Variants in ECE1 observed in about 807,000 individuals in gnomAD.
ECE1 encodes the protein endothelin converting enzyme 1, also known as endothelin-converting enzyme 1.
In ECE1, 35 loss-of-function variants were observed where a neutral mutation model predicts 98.6. The observed-to-expected ratio is 0.35, with a 90% CI of 0.27 to 0.47. The LOEUF (loss-of-function observed/expected upper bound fraction) is 0.47, where lower values mean the gene tolerates loss of function less well. Ranked by LOEUF, ECE1 falls within the 20% of genes least tolerant of loss-of-function variation. ECE1 has a pLI of 1.00. For synonymous variants in ECE1, 394 were observed against 407.1 expected (o/e 0.97, Z 0.39); for missense variants, 814 against 1,025.3 (o/e 0.79, Z 2.81).
intron 1 of ECE1, among the ~76,000 whole-genome samples, chr1:21,321,420 C>A (rs1334370569): frequency 6.6e-6 from 1 of 152,206 alleles, no homozygotes; most frequent in Non-Finnish European, 1.5e-5. Context: ...CCCCAGCAGC[C>A]ATGTCCTGGA....
In ECE1 at chr1:21,252,176, C is replaced by T. The variant is rs529378324; in HGVS notation, c.1020+3771G>A. ...TGAGAAATCCCTGTGTACTCTTCAACACAACCCTGGCCCTTTAGGGAAAGC... is the reference window on the plus strand; with the variant it reads ...TGAGAAATCCCTGTGTACTCTTCAATACAACCCTGGCCCTTTAGGGAAAGC... On this transcript the variant is annotated intron_variant, in intron 8 of 18. Coordinates refer to ENST00000374893, the MANE Select transcript of ECE1 (RefSeq NM_001397.3). Among the ~76,000 whole-genome samples, 59 of 152,354 alleles carry T rather than the reference C, an allele frequency of 3.9e-4. 1 individual carries two copies. Among genetic ancestry groups the T allele is most frequent in the African/African-American group, 1.3e-3 (54 of 41,590 alleles).
intron 11 of ECE1, 75 bp from the exon 12 acceptor site, chr1:21,236,919 A>T: frequency 7.6e-7 from 1 of 1,318,322 alleles, no homozygotes; most frequent in Non-Finnish European, 1.1e-6. Flanking sequence ...CCCGTGCAGA[A>T]CAATGATGGC....
chr1:21,219,709 C>A lies in ECE1; in HGVS notation c.*246G>T. The A allele has an allele frequency of 1.8e-6, 1 of 562,008 alleles. No homozygotes were observed. The highest frequency in any genetic ancestry group is 3.2e-6 in the Non-Finnish European group (1 of 311,236). The allele number at this position is 562,008 out of a possible 1,614,324, so 34.8% of individuals were successfully genotyped here. A position where few individuals can be genotyped will look rare whatever the true frequency, so the allele number is the denominator to read the frequency against. ...GCCCAGGCCTGATGAGCCACCAGCCCAGCACCCGAATGCCTGCTGAAGGTG... is the reference window on the plus strand; with the variant it reads ...GCCCAGGCCTGATGAGCCACCAGCCAAGCACCCGAATGCCTGCTGAAGGTG... On this transcript the variant is annotated 3_prime_UTR_variant, in exon 19 of 19. Coordinates refer to ENST00000374893, the MANE Select transcript of ECE1 (RefSeq NM_001397.3). The surrounding 1 kb of genome is among the most constrained non-coding windows in gnomAD (Gnocchi z 4.5).
chr1:21,254,770 G>T (rs1287490786), intron 8 of ECE1, among the ~76,000 whole-genome samples: 2 of 152,184 alleles, frequency 1.3e-5, no homozygotes, highest in Non-Finnish European at 2.9e-5. Context: ...TCTCCATCCT[G>T]GTCTGAGCAG....
chr1:21,229,770 C>G (rs2098179381), intron 14 of ECE1, among the ~76,000 whole-genome samples: 1 of 152,062 alleles, frequency 6.6e-6, no homozygotes, highest in Admixed American at 6.6e-5. Flanking sequence ...ACTCAGTGAA[C>G]CATTGTTTTC....
chr1:21,302,103 A>T (rs1487636621), intron 1 of ECE1, among the ~76,000 whole-genome samples: 4 of 152,236 alleles, frequency 2.6e-5, no homozygotes, highest in Non-Finnish European at 5.9e-5. Flanking sequence ...CAGGCAGTGC[A>T]TTCTCAGAGT....
chr1:21,322,265 C>T lies in ECE1; in HGVS notation c.3+23111G>A, dbSNP rs1360751880. 6.6e-6 allele frequency among the ~76,000 whole-genome samples: 1 copy of T among 152,092 alleles called. No individual in the cohort carries two copies. The highest frequency in any genetic ancestry group is 2.1e-4 in the South Asian group (1 of 4,830). ...TGGATAAAACCAGGAGACCCCACAC[C>T]CCACCTGAGCCCGGAGTGCAGCTCC... is the stretch of plus-strand genomic sequence containing the variant. On this transcript the variant is annotated intron_variant, in intron 1 of 18. Transcript: ENST00000415912. This position sits in a 1 kb window ranked among gnomAD's most constrained non-coding sequence, Gnocchi z 4.1.
At chr1:21,245,423 A>G (rs939725831) in intron 9 of ECE1, among the ~76,000 whole-genome samples, 4 of 152,042 alleles carry the variant, frequency 2.6e-5, no homozygotes, top group South Asian at 2.1e-4. Flanking sequence ...ACCCACCCCA[A>G]TGGTGTATGC....
rs576470307 is a variant in ECE1 at position 21,220,276 on chromosome 1, C to T, written c.2137-145G>A. ...TTTGGGAGCCAAGGTGGAAGGGCTG[C>T]TTGAGCCCAGGAGTTCATGACCAGC... On this transcript the variant is annotated intron_variant, in intron 18 of 18. Transcript: ENST00000374893. This position sits in a 1 kb window ranked among gnomAD's most constrained non-coding sequence, Gnocchi z 5.0. 5.6e-6 allele frequency: 5 copies of T among 892,358 alleles called. No homozygotes were observed. The highest frequency in any genetic ancestry group is 5.1e-5 in the African/African-American group (3 of 59,078). The allele number at this position is 892,358 out of a possible 1,614,324, so 55.3% of individuals were successfully genotyped here. A position where few individuals can be genotyped will look rare whatever the true frequency, so the allele number is the denominator to read the frequency against.
At chr1:21,331,190 G>T (rs1298002009) in intron 1 of ECE1, among the ~76,000 whole-genome samples, 1 of 152,108 alleles carries the variant, frequency 6.6e-6, no homozygotes, top group Non-Finnish European at 1.5e-5. Flanking sequence ...ATCACTTGAG[G>T]TCAGGAGATC....
rs71014187 is a variant in ECE1 at position 21,342,607 on chromosome 1, TACACACACACACACACACAC to T, written c.3+2749_3+2768del. On this transcript the variant is annotated intron_variant, in intron 1 of 18. Coordinates refer to the ECE1 transcript ENST00000415912. ...ACACAGACACACAGACACACACAGA[TACACACACACACACACACAC>T]ACACACACACACACACACACGCCCT... 9.7e-3 allele frequency among the ~76,000 whole-genome samples: 1,351 copies of T among 139,800 alleles called. 31 individuals carry two copies. Among genetic ancestry groups the T allele is most frequent in the African/African-American group, 0.033 (1,265 of 38,830 alleles). The allele number at this position is 139,800 out of a possible 152,430, so 91.7% of individuals were successfully genotyped here.
intron 3 of ECE1, among the ~76,000 whole-genome samples, chr1:21,275,191 T>C (rs1156722939): frequency 6.6e-6 from 1 of 152,198 alleles, no homozygotes; most frequent in Non-Finnish European, 1.5e-5. Flanking sequence ...TCTGTGTGTA[T>C]GTGTCTGTGT....
intron 4 of ECE1, among the ~76,000 whole-genome samples, chr1:21,265,622 C>CG (rs747576270): frequency 7.2e-5 from 11 of 152,178 alleles, no homozygotes; most frequent in Non-Finnish European, 1.5e-4. Context: ...CATAGCCCCT[C>CG]GTTCAGGCCC....
chr1:21,252,682 A>AG (rs2098214312), intron 8 of ECE1, among the ~76,000 whole-genome samples: 1 of 152,238 alleles, frequency 6.6e-6, no homozygotes, highest in Admixed American at 6.5e-5. Context: ...TCTGTACCCC[A>AG]GCAGGGCTAG....
chr1:21,340,777 G>C lies in ECE1; in HGVS notation c.3+4599C>G, dbSNP rs1242305010. Among the ~76,000 whole-genome samples the C allele has an allele frequency of 6.6e-6, 1 of 152,188 alleles. No homozygotes were observed. Among genetic ancestry groups the C allele is most frequent in the Non-Finnish European group, 1.5e-5 (1 of 68,024 alleles). ...GAACCAGGGAGGCTGAGGCTGCAGT[G>C]AGCTGAGATTGCACCACTGCACTCA... On this transcript the variant is annotated intron_variant, in intron 1 of 18. Coordinates refer to the ECE1 transcript ENST00000415912. This position sits in a 1 kb window ranked among gnomAD's most constrained non-coding sequence, Gnocchi z 4.6.
Position 21,286,250 on chromosome 1 carries a change from C to T in ECE1, c.138+3820G>A, listed in dbSNP as rs372532489. Reference sequence around the variant, plus strand: ...GGTGTATGTTCAGGTGTGGGAAGATCAGGCAGCTGGCTTTGGCAGAGCAAG... The same window carrying T: ...GGTGTATGTTCAGGTGTGGGAAGATTAGGCAGCTGGCTTTGGCAGAGCAAG... On this transcript the variant is annotated intron_variant, in intron 2 of 18. Coordinates refer to ENST00000374893, the MANE Select transcript of ECE1 (RefSeq NM_001397.3). 2.0e-5 allele frequency among the ~76,000 whole-genome samples: 3 copies of T among 152,294 alleles called. No individual in the cohort carries two copies. In the East Asian group the frequency reaches 5.8e-4, roughly 29 times the overall value.
intron 18 of ECE1, among the ~76,000 whole-genome samples, chr1:21,221,024 G>T (rs28368050): frequency 0.052 from 7,911 of 152,280 alleles, 303 homozygotes; most frequent in East Asian, 0.14. Flanking sequence ...GATTCCATCT[G>T]AACAAAGGAC....
chr1:21,232,540 T>A (rs1178694951), intron 14 of ECE1, among the ~76,000 whole-genome samples: 1 of 152,112 alleles, frequency 6.6e-6, no homozygotes, highest in African/African-American at 2.4e-5. Flanking sequence ...GCTCAAGCGA[T>A]CTGCCCACCT....
chr1:21,312,353 G>A (rs1638746480), intron 1 of ECE1, among the ~76,000 whole-genome samples: 1 of 150,874 alleles, frequency 6.6e-6, no homozygotes, highest in African/African-American at 2.4e-5. Flanking sequence ...TGGGAGGATT[G>A]CTTGAGCCCC....
Sources: allele counts gnomAD v4.1 joint callset (sites outside exome capture counted in the v4.1 genomes callset), GRCh38; gene constraint gnomAD v4.1.1; non-coding constraint Gnocchi (gnomAD v3.1); transcripts MANE v1.5; gene names NCBI Gene and HGNC (gene_info 2026-07-23, HGNC 2026-07-21).